Variants in SYT2 observed in about 807,000 individuals in gnomAD.
SYT2 encodes the protein synaptotagmin 2.
A neutral mutation model predicts 39.9 loss-of-function variants in SYT2; 15 were observed. The observed-to-expected ratio is 0.38, with a 90% confidence interval of 0.25 to 0.58. The LOEUF is 0.58. SYT2 is among the 20% of genes least tolerant of loss of function. SYT2 has a pLI of 0.70. For missense variants in SYT2, 389 were observed against 530.3 expected, an observed-to-expected ratio of 0.73 and a Z score of 2.62; for synonymous variants, 181 against 204.5, an observed-to-expected ratio of 0.89 and a Z score of 0.98.
At chr1:202,652,052 G>A (rs560393546) in intron 1 of SYT2, among the ~76,000 whole-genome samples, 7 of 152,336 alleles carry the variant, frequency 4.6e-5, no homozygotes, top group Admixed American at 2.6e-4. Flanking sequence ...GTGAGACTCC[G>A]TCTAAGTAAG....
At chr1:202,700,959 G>C (rs1221736146) in intron 1 of SYT2, among the ~76,000 whole-genome samples, 2 of 152,222 alleles carry the variant, frequency 1.3e-5, no homozygotes, top group Admixed American at 1.3e-4. Context: ...ATGCTTGTTT[G>C]CCTCTGTGCA....
rs144140190 is a variant in SYT2 at position 202,602,359 on chromosome 1, C to T, written c.633+19G>A. On this transcript the variant is annotated intron_variant, in intron 5 of 8. Transcript: ENST00000367268. ...GGGATCAGGCAGGGAGCTGGAGTCA[C>T]CCTTCCAGCCCTCAGCACCTTGAAG... 9 of 1,607,892 alleles carry T rather than the reference C, an allele frequency of 5.6e-6. No individual in the cohort carries two copies. The highest frequency in any genetic ancestry group is 1.3e-5 in the African/African-American group (1 of 74,964).
intron 1 of SYT2, among the ~76,000 whole-genome samples, chr1:202,687,277 A>G (rs761024353): frequency 5.3e-5 from 8 of 151,636 alleles, no homozygotes; most frequent in Non-Finnish European, 1.0e-4. Context: ...TCACCCTTGA[A>G]CTCCAAAAGC....
chr1:202,637,307 A>G (rs914542193), intron 1 of SYT2, among the ~76,000 whole-genome samples: 1 of 152,192 alleles, frequency 6.6e-6, no homozygotes, highest in South Asian at 2.1e-4. Context: ...AGCCGTGATC[A>G]CACCACTGCA....
At chr1:202,680,625 A>G (rs1653500811) in intron 1 of SYT2, among the ~76,000 whole-genome samples, 1 of 152,082 alleles carries the variant, frequency 6.6e-6, no homozygotes, top group African/African-American at 2.4e-5. Context: ...GGGGAGAAAG[A>G]GAGAGTTACC....
chr1:202,606,017 A>G (rs550799209), intron 1 of SYT2, among the ~76,000 whole-genome samples: 3 of 152,062 alleles, frequency 2.0e-5, no homozygotes, highest in Admixed American at 6.5e-5. Flanking sequence ...TTAGTTAGGC[A>G]TAGTGGGGGC....
rs1317531353 is a variant in SYT2, at chr1:202,628,007, A to T, written c.-17-22218T>A. Among the ~76,000 whole-genome samples, 6 of 152,050 alleles carry T rather than the reference A, an allele frequency of 3.9e-5. No individual in the cohort carries two copies. The highest frequency in any genetic ancestry group is 8.8e-5 in the Non-Finnish European group (6 of 67,988). ...CCAGCCCAGGGCTCTTTCCTTCCCAACAAAGAGCCCCAGGGAGCTCCTCAA... is the reference window on the plus strand; with the variant it reads ...CCAGCCCAGGGCTCTTTCCTTCCCATCAAAGAGCCCCAGGGAGCTCCTCAA... On this transcript the variant is annotated intron_variant, in intron 1 of 8. Coordinates refer to ENST00000367268, the MANE Select transcript of SYT2 (RefSeq NM_177402.5). This position sits in a 1 kb window ranked among gnomAD's most constrained non-coding sequence, Gnocchi z 4.2.
rs559582417 is a variant in SYT2 at position 202,617,754 on chromosome 1, G to C, written c.-17-11965C>G. Among the ~76,000 whole-genome samples the C allele has an allele frequency of 5.7e-3, 873 of 152,158 alleles. 10 individuals carry two copies. Among genetic ancestry groups the C allele is most frequent in the African/African-American group, 0.021 (853 of 41,506 alleles). On this transcript the variant is annotated intron_variant, in intron 1 of 8. Transcript: ENST00000367268. ...CATCCCCATGGTACTCATGCAGCTT[G>C]TGACTGTATAAGCAGCCACCTCATT...
chr1:202,622,522 A>G (rs1383273178), intron 1 of SYT2, among the ~76,000 whole-genome samples: 1 of 151,912 alleles, frequency 6.6e-6, no homozygotes, highest in Non-Finnish European at 1.5e-5. Context: ...CTGCAGCAAC[A>G]CTCATTTTCC....
At position 202,595,221 on chromosome 1, in the gene SYT2, C is replaced by T. The variant is rs543488245; in HGVS notation, c.*1536G>A. On this transcript the variant is annotated 3_prime_UTR_variant, in exon 9 of 9. Transcript: ENST00000367268. ...TGAAGGATTGGAAGAAGACTCAGTGCAAACCTGACTAACATATATATGGCT... is the reference window on the plus strand; with the variant it reads ...TGAAGGATTGGAAGAAGACTCAGTGTAAACCTGACTAACATATATATGGCT... 6.6e-6 allele frequency: 1 copy of T among 152,404 alleles called. No homozygotes were observed. The highest frequency in any genetic ancestry group is 2.1e-4 in the South Asian group (1 of 4,820). 9.4% of individuals were successfully genotyped at this position (152,404 alleles called of 1,614,324 possible).
At chr1:202,690,984 A>T (rs1199906796) in intron 1 of SYT2, among the ~76,000 whole-genome samples, 1 of 152,108 alleles carries the variant, frequency 6.6e-6, no homozygotes. Context: ...TTGAGGTTTA[A>T]GCCTCCAGTT....
chr1:202,629,634 C>T (rs1398306686), intron 1 of SYT2, among the ~76,000 whole-genome samples: 1 of 152,184 alleles, frequency 6.6e-6, no homozygotes, highest in Non-Finnish European at 1.5e-5. Flanking sequence ...AGTGTGGTGG[C>T]TCACACCTGT....
chr1:202,680,770 GC>G (rs1653504448), intron 1 of SYT2, among the ~76,000 whole-genome samples: 2 of 152,116 alleles, frequency 1.3e-5, no homozygotes, highest in African/African-American at 4.8e-5. Flanking sequence ...CACCTGTGGT[GC>G]TGTCCAACAA....
At chr1:202,640,734 C>CAGAGAGAGAGAGAGAGAGAGAGAGAGAG (rs56979202) in intron 1 of SYT2, among the ~76,000 whole-genome samples, 2 of 90,668 alleles carry the variant, frequency 2.2e-5, no homozygotes, top group African/African-American at 3.7e-5. Flanking sequence ...TCCTAATGGT[C>CAGAGAGAGAGAGAGAGAGAGAGAGAGAG]AGAGAGAGAG....
At chr1:202,633,101 A>G (rs568999343) in intron 1 of SYT2, among the ~76,000 whole-genome samples, 1 of 152,288 alleles carries the variant, frequency 6.6e-6, no homozygotes, top group Admixed American at 6.5e-5. Flanking sequence ...GCCAGGTTAG[A>G]TTTGCAGAAT....
At chr1:202,702,848 G>C (rs982885022) in intron 1 of SYT2, among the ~76,000 whole-genome samples, 1 of 152,190 alleles carries the variant, frequency 6.6e-6, no homozygotes, top group African/African-American at 2.4e-5. Flanking sequence ...AACACAGGAG[G>C]CAGAAGACAA....
At chr1:202,678,363 T>A (rs956824962) in intron 1 of SYT2, among the ~76,000 whole-genome samples, 4 of 151,922 alleles carry the variant, frequency 2.6e-5, no homozygotes, top group African/African-American at 7.2e-5. Context: ...AATTTTTTTT[T>A]AAATATGGCA....
chr1:202,602,606 GC>G, intron 4 of SYT2, 61 bp from the exon 5 acceptor site: 1 of 1,523,518 alleles, frequency 6.6e-7, no homozygotes, highest in South Asian at 1.3e-5. Context: ...ACCACAACTG[GC>G]CCCAGACCCA....
At chr1:202,626,626 C>G (rs1691424995) in intron 1 of SYT2, among the ~76,000 whole-genome samples, 1 of 151,926 alleles carries the variant, frequency 6.6e-6, no homozygotes, top group Non-Finnish European at 1.5e-5. Context: ...CTCAGCCTCC[C>G]AAAGTCCTGA....
Sources: gnomAD v4.1 joint callset for allele counts (sites outside exome capture counted in the v4.1 genomes callset) on GRCh38, gnomAD v4.1.1 for gene constraint, Gnocchi (gnomAD v3.1) non-coding constraint, MANE v1.5 for transcripts, NCBI Gene and HGNC (gene_info 2026-07-23, HGNC 2026-07-21) for gene names.